The following PRELID2 variants were observed in gnomAD, a reference collection of about 807,000 sequenced individuals.
PRELID2 encodes PRELI domain containing 2, also known as PRELI domain-containing protein 2.
A neutral mutation model predicts 28.4 loss-of-function variants in PRELID2; 25 were observed. The ratio of observed to expected loss-of-function variants is 0.88; its 90% CI spans 0.64 to 1.23. The LOEUF is 1.23. PRELID2 is among the 50% of genes most tolerant of loss of function. The pLI is 0.00. For missense variants in PRELID2, 201 were observed against 214.4 expected (o/e 0.94, Z 0.39); for synonymous variants, 76 against 71.6 (o/e 1.06, Z -0.31).
chr5:145,801,025 G>A (rs1753102560), intron 4 of PRELID2, among the ~76,000 whole-genome samples: 1 of 152,118 alleles, frequency 6.6e-6, no homozygotes, highest in Non-Finnish European at 1.5e-5. Flanking sequence ...ATGGACAGAT[G>A]AGTAAGTGAA....
chr5:145,832,734 A>G (rs1260419101), intron 1 of PRELID2, among the ~76,000 whole-genome samples: 1 of 152,036 alleles, frequency 6.6e-6, no homozygotes, highest in East Asian at 1.9e-4. Flanking sequence ...AGTAAACATG[A>G]TAAAGTATGG....
intron 1 of PRELID2, among the ~76,000 whole-genome samples, chr5:145,606,736 TG>T (rs1321445610): frequency 6.6e-6 from 1 of 152,140 alleles, no homozygotes; most frequent in African/African-American, 2.4e-5. Flanking sequence ...CTTTATTTAT[TG>T]TGTATCGGCC....
the PRELID2 span, among the ~76,000 whole-genome samples, chr5:145,383,567 C>T: frequency 1.5e-3 from 220 of 143,522 alleles, 1 homozygote; most frequent in African/African-American, 5.2e-3. Flanking sequence ...CAATGCACTT[C>T]AATAGGGAAA....
At chr5:145,706,644 G>C (rs146811700) in intron 1 of PRELID2, among the ~76,000 whole-genome samples, 3 of 152,182 alleles carry the variant, frequency 2.0e-5, no homozygotes, top group Non-Finnish European at 4.4e-5. Context: ...TGCTCACTCT[G>C]CCAATAGCTG....
chr5:145,429,196 G>C, the PRELID2 span, among the ~76,000 whole-genome samples: 2 of 152,218 alleles, frequency 1.3e-5, no homozygotes, highest in African/African-American at 4.8e-5. Context: ...CAATAATGAA[G>C]GCAAACAGAT....
intron 1 of PRELID2, among the ~76,000 whole-genome samples, chr5:145,499,278 A>G (rs1752337415): frequency 6.6e-6 from 1 of 152,186 alleles, no homozygotes; most frequent in South Asian, 2.1e-4. Flanking sequence ...AAAGCATATT[A>G]TATAGTTATA....
the PRELID2 span, among the ~76,000 whole-genome samples, chr5:145,450,034 C>T: frequency 5.3e-5 from 8 of 152,120 alleles, no homozygotes; most frequent in Non-Finnish European, 7.4e-5. Context: ...GAAATGCAAA[C>T]AGAATGTTCC....
the PRELID2 span, among the ~76,000 whole-genome samples, chr5:145,408,087 T>C: frequency 1.3e-5 from 2 of 151,980 alleles, no homozygotes; most frequent in African/African-American, 2.4e-5. Flanking sequence ...GCCCCATCTC[T>C]AGGGGAAGAA....
In PRELID2 at chr5:145,750,308, C is replaced by G. The variant is rs138425430; in HGVS notation, n.70+14623G>C. ...CAACTCATTTAATCCTTTCAACAAC[C>G]CCATAAAGTAGGCACTATTGTTACT... On this transcript the variant is annotated intron_variant and non_coding_transcript_variant, in intron 1 of 2. Coordinates refer to the PRELID2 transcript ENST00000510259. Among the ~76,000 whole-genome samples, 447 of 151,584 alleles carry G rather than the reference C, an allele frequency of 2.9e-3. 5 individuals are homozygous for G. The Middle Eastern group carries it at 0.034, about 12-fold the overall frequency.
chr5:145,495,524 A>G (rs1752302971), intron 1 of PRELID2, among the ~76,000 whole-genome samples: 1 of 152,176 alleles, frequency 6.6e-6, no homozygotes, highest in African/African-American at 2.4e-5. Context: ...CCCTCAAGGA[A>G]ACAATTCCAT....
intron 1 of PRELID2, among the ~76,000 whole-genome samples, chr5:145,695,131 TAC>T (rs1755232070): frequency 6.6e-6 from 1 of 152,096 alleles, no homozygotes; most frequent in South Asian, 2.1e-4. Context: ...TATAAATAAT[TAC>T]AGATTATCCT....
intron 1 of PRELID2, among the ~76,000 whole-genome samples, chr5:145,550,141 G>A (rs750390859): frequency 6.6e-6 from 1 of 152,194 alleles, no homozygotes; most frequent in Non-Finnish European, 1.5e-5. Context: ...TACTGCTGAA[G>A]AAGGGAAGAA....
chr5:145,243,186 T>G, the PRELID2 span, among the ~76,000 whole-genome samples: 1 of 152,080 alleles, frequency 6.6e-6, no homozygotes, highest in Non-Finnish European at 1.5e-5. Flanking sequence ...GTAATTTTTA[T>G]GCTCAATTGA....
intron 1 of PRELID2, among the ~76,000 whole-genome samples, chr5:145,597,973 A>G (rs13355336): frequency 0.12 from 18,498 of 152,196 alleles, 3,128 homozygotes; most frequent in African/African-American, 0.38. Flanking sequence ...TAGTAAACGT[A>G]AGATGCTATT....
chr5:145,574,223 G>T (rs1753040153), intron 1 of PRELID2, among the ~76,000 whole-genome samples: 1 of 152,126 alleles, frequency 6.6e-6, no homozygotes, highest in South Asian at 2.1e-4. Flanking sequence ...ATCAAGAAAT[G>T]CAGGCAGTGC....
intron 5 of PRELID2, among the ~76,000 whole-genome samples, chr5:145,782,386 A>G (rs1376809313): frequency 1.3e-5 from 2 of 152,172 alleles, no homozygotes; most frequent in Non-Finnish European, 2.9e-5. Flanking sequence ...GTGTGCTTCT[A>G]TTTCCTCATC....
the PRELID2 span, among the ~76,000 whole-genome samples, chr5:145,459,041 A>G: frequency 6.6e-6 from 1 of 152,228 alleles, no homozygotes; most frequent in Non-Finnish European, 1.5e-5. Context: ...AAATGCCATC[A>G]GCCACCTAGG....
chr5:145,328,494 G>A, the PRELID2 span, among the ~76,000 whole-genome samples: 1 of 152,162 alleles, frequency 6.6e-6, no homozygotes, highest in Non-Finnish European at 1.5e-5. Context: ...GCATGAGATG[G>A]TATCTAATTG....
At chr5:145,300,787 C>G in the PRELID2 span, among the ~76,000 whole-genome samples, 1 of 141,432 alleles carries the variant, frequency 7.1e-6, no homozygotes, top group Non-Finnish European at 1.5e-5. Flanking sequence ...TGAAATAGTT[C>G]CTTTCCTTCT....
Sources: gnomAD v4.1 joint callset for allele counts (sites outside exome capture counted in the v4.1 genomes callset) on GRCh38, gnomAD v4.1.1 for gene constraint, MANE v1.5 for transcripts, NCBI Gene and HGNC (gene_info 2026-07-23, HGNC 2026-07-21) for gene names.